CTSE: variants seen among roughly 807,000 people sequenced by gnomAD.
CTSE encodes cathepsin E.
In CTSE, 43 loss-of-function variants were observed where a neutral mutation model predicts 42.8. That is an observed-to-expected ratio of 1.01 (90% CI 0.79 to 1.30). The LOEUF (loss-of-function observed/expected upper bound fraction) is 1.30. Among genes scored for constraint, CTSE ranks in the 50% most tolerant of loss-of-function variants. The pLI is 0.00. For synonymous variants in CTSE, 205 were observed against 191.5 expected (o/e 1.07, Z -0.58); for missense variants, 532 against 493.5 (o/e 1.08, Z -0.74).
At position 206,012,280 on chromosome 1, in the gene CTSE, G is replaced by A. The variant is rs781970447; in HGVS notation, c.1026+28C>T. 1.3e-5 allele frequency: 20 copies of A among 1,584,346 alleles called. No individual in the cohort carries two copies. The South Asian group carries it at 2.2e-4, about 18-fold the overall frequency. ...GCAGGCATGTGGGGAGGGCCCTGTGGCCTGCAGAATAAGGAAACAGTTCTT... is the reference window on the plus strand; with the variant it reads ...GCAGGCATGTGGGGAGGGCCCTGTGACCTGCAGAATAAGGAAACAGTTCTT... On this transcript the variant is annotated intron_variant, in intron 8 of 8. Transcript: ENST00000358184.
In CTSE at chr1:206,019,990, A is replaced by G. The variant is rs1661369627; in HGVS notation, c.462+1059T>C. Among the ~76,000 whole-genome samples the G allele has an allele frequency of 2.8e-5, 4 of 144,452 alleles. No homozygotes were observed. In the South Asian group the frequency reaches 6.3e-4, roughly 23 times the overall value. The allele number at this position is 144,452 out of a possible 152,430, so 94.8% of individuals were successfully genotyped here. A position where few individuals can be genotyped will look rare whatever the true frequency, so the allele number is the denominator to read the frequency against. ...TTCTATAATATATTATATATTATAT[A>G]ACATATATTAATGTAATGTATTACA... On this transcript the variant is annotated intron_variant, in intron 4 of 8. Coordinates refer to ENST00000358184, the MANE Select transcript of CTSE (RefSeq NM_001910.4).
At chr1:206,011,136 C>T (rs1553276878) in intron 8 of CTSE, among the ~76,000 whole-genome samples, 3 of 151,976 alleles carry the variant, frequency 2.0e-5, no homozygotes, top group Non-Finnish European at 4.4e-5. Flanking sequence ...AGAACCAGCA[C>T]AAGACCTTGT....
intron 5 of CTSE, 142 bp downstream of exon 5, chr1:206,015,789 G>A (rs1172093416): frequency 7.2e-6 from 5 of 692,576 alleles, no homozygotes; most frequent in Non-Finnish European, 1.2e-5. Flanking sequence ...TATTCAGAGA[G>A]GTTAAATGTT....
In CTSE at chr1:206,023,801, G is replaced by A. The variant is rs782384345; in HGVS notation, c.-10C>T. The A allele has an allele frequency of 5.2e-5, 84 of 1,612,984 alleles. No individual in the cohort carries two copies. The highest frequency in any genetic ancestry group is 1.2e-4 in the Admixed American group (7 of 59,964). On this transcript the variant is annotated 5_prime_UTR_variant, in exon 1 of 9. Coordinates refer to ENST00000358184, the MANE Select transcript of CTSE (RefSeq NM_001910.4). ...GAAGGAGCGTTTTCATTGTGAGTCC[G>A]ACCAGCAGCTTCTCCCTTGCCCCCT...
rs1553277658 is a variant in CTSE at position 206,016,005 on chromosome 1, TCCTCCCACAG to T, written c.578_587del (p.Ala193GlufsTer2). 1 of 1,613,658 alleles carries T rather than the reference TCCTCCCACAG, an allele frequency of 6.2e-7. No individual in the cohort carries two copies. Among genetic ancestry groups the T allele is most frequent in the Non-Finnish European group, 8.5e-7 (1 of 1,179,854 alleles). The stretch of plus-strand genomic sequence containing the variant: ...TCATGTTGTCAAATACTGGAGTCAC[TCCTCCCACAG>T]CCAAGGAGGGGTATCCCAGGCCCAG... On this transcript the variant is annotated frameshift_variant, in exon 5 of 9. Coordinates refer to ENST00000358184, the MANE Select transcript of CTSE (RefSeq NM_001910.4). LOFTEE classifies it high-confidence loss of function.
intron 6 of CTSE, among the ~76,000 whole-genome samples, 178 bp downstream of exon 6, chr1:206,013,594 C>T (rs1553277366): frequency 6.6e-6 from 1 of 152,080 alleles, no homozygotes; most frequent in African/African-American, 2.4e-5. Flanking sequence ...GCTGTGTCTG[C>T]TGCCCTGGTT....
chr1:206,014,086 GA>G (rs1661197155), intron 5 of CTSE, 192 bp from the exon 6 acceptor site: 1 of 623,716 alleles, frequency 1.6e-6, no homozygotes, highest in African/African-American at 1.8e-5. Flanking sequence ...CACAAGGTTA[GA>G]AACAACTCCC....
Position 206,022,140 on chromosome 1 carries a change from C to T in CTSE, c.343+10G>A. On this transcript the variant is annotated intron_variant, in intron 3 of 8. Coordinates refer to ENST00000358184, the MANE Select transcript of CTSE (RefSeq NM_001910.4). ...AGACATTCTCTGCTGGTGCTCCTGG[C>T]CCCACTTACTGCAGGCTGGGCTAGT... is the stretch of plus-strand genomic sequence containing the variant. The T allele has an allele frequency of 6.4e-7, 1 of 1,555,828 alleles. No homozygotes were observed. Among genetic ancestry groups the T allele is most frequent in the Non-Finnish European group, 8.8e-7 (1 of 1,135,706 alleles).
At chr1:206,010,499 G>T in intron 8 of CTSE, 152 bp from the exon 9 acceptor site, 1 of 702,936 alleles carries the variant, frequency 1.4e-6, no homozygotes, top group Admixed American at 2.0e-5. Flanking sequence ...TCTTCCTCCT[G>T]CTTCATATGT....
chr1:206,009,991 T>C lies in CTSE; in HGVS notation c.*192A>G, dbSNP rs1302833266. On this transcript the variant is annotated 3_prime_UTR_variant, in exon 9 of 9. Coordinates refer to ENST00000358184, the MANE Select transcript of CTSE (RefSeq NM_001910.4). Reference sequence around the variant, plus strand: ...ATGACGGTGGTGGGAGTGGTGTGTATGTGTGAAGTGTGTGTGTGTGTATAT... The same window carrying C: ...ATGACGGTGGTGGGAGTGGTGTGTACGTGTGAAGTGTGTGTGTGTGTATAT... 6.8e-6 allele frequency: 4 copies of C among 590,976 alleles called. No homozygotes were observed. The highest frequency in any genetic ancestry group is 1.2e-5 in the Non-Finnish European group (4 of 330,830). 36.6% of individuals were successfully genotyped at this position (590,976 alleles called of 1,614,324 possible).
At chr1:206,017,173 A>G (rs1385930420) in intron 4 of CTSE, among the ~76,000 whole-genome samples, 4 of 152,066 alleles carry the variant, frequency 2.6e-5, no homozygotes, top group African/African-American at 9.7e-5. Context: ...AATTTACATC[A>G]AAGTAGCTGA....
At position 206,009,880 on chromosome 1, in the gene CTSE, G is replaced by C; in HGVS notation, c.*303C>G. ...ATCTCTGCTTGTGCATATGTTTGGA[G>C]ATTTTCATAATCAAATGTGAAAATT... is the stretch of plus-strand genomic sequence containing the variant. On this transcript the variant is annotated 3_prime_UTR_variant, in exon 9 of 9. Transcript: ENST00000358184. The C allele has an allele frequency of 2.6e-6, 1 of 388,228 alleles. No individual in the cohort carries two copies. Among genetic ancestry groups the C allele is most frequent in the Non-Finnish European group, 4.8e-6 (1 of 207,062 alleles). The allele number at this position is 388,228 out of a possible 1,614,324, so 24.0% of individuals were successfully genotyped here. A position where few individuals can be genotyped will look rare whatever the true frequency, so the allele number is the denominator to read the frequency against.
At chr1:206,016,242 CT>C in intron 4 of CTSE, 112 bp from the exon 5 acceptor site, 1 of 938,758 alleles carries the variant, frequency 1.1e-6, no homozygotes, top group South Asian at 1.5e-5. Flanking sequence ...TCCTTCCCAA[CT>C]TTCCTTGACT....
rs141251493 is a variant in CTSE at position 206,016,115 on chromosome 1, C to T, written c.478G>A (p.Val160Met). The T allele has an allele frequency of 7.6e-4, 1,233 of 1,613,836 alleles. 10 individuals are homozygous for T. Among genetic ancestry groups the T allele is most frequent in the Non-Finnish European group, 9.4e-4 (1,108 of 1,179,860 alleles). The part of the protein sequence containing the change: ...ADQVSVEGLT[V>M]VGQQFGESVT... ...CTTTCTCCAAACTGCTGGCCAACCA[C>T]GGTTAGTCCTTCCACCTGGTAGGAG... Residue 160 changes from valine (V) to methionine (M), a missense_variant, in exon 5 of 9, where the codon GTG becomes ATG. By Grantham distance (21) the Val-to-Met change is conservative. Coordinates refer to ENST00000358184, the MANE Select transcript of CTSE (RefSeq NM_001910.4).
intron 6 of CTSE, 94 bp from the exon 7 acceptor site, chr1:206,012,743 T>A: frequency 7.3e-7 from 1 of 1,378,262 alleles, no homozygotes; most frequent in East Asian, 2.3e-5. Context: ...CTGGAGCACA[T>A]CAATGATTTC....
In CTSE at chr1:206,010,186, G is replaced by C; in HGVS notation, c.1188C>G (p.Pro396=). Residue 396 remains proline (P), a synonymous_variant, in exon 9 of 9, where the codon CCC becomes CCG. Coordinates refer to ENST00000358184, the MANE Select transcript of CTSE (RefSeq NM_001910.4). ...GGCACAGACACAAGGCCCCTCCTTA[G>C]GGGACTGCTGGGGCCAGTCCCACAC... The part of the protein sequence containing the change: ...NNRVGLAPAV[P] 1 of 1,613,682 alleles carries C rather than the reference G, an allele frequency of 6.2e-7. No homozygotes were observed. The highest frequency in any genetic ancestry group is 8.5e-7 in the Non-Finnish European group (1 of 1,179,796).
chr1:206,022,103 G>T, intron 3 of CTSE, 47 bp downstream of exon 3: 1 of 1,384,650 alleles, frequency 7.2e-7, no homozygotes, highest in Non-Finnish European at 1.0e-6. Context: ...TGGCCTCCCA[G>T]GACTAGCCCC....
intron 4 of CTSE, among the ~76,000 whole-genome samples, chr1:206,017,594 G>T (rs1410376248): frequency 1.3e-5 from 2 of 151,948 alleles, no homozygotes; most frequent in Non-Finnish European, 2.9e-5. Flanking sequence ...GGTTCAAGCA[G>T]TTCTTCTGCC....
chr1:206,013,792 GT>G lies in CTSE; in HGVS notation c.764del (p.Tyr255SerfsTer157). 1.2e-6 allele frequency: 2 copies of G among 1,613,838 alleles called. No homozygotes were observed. The highest frequency in any genetic ancestry group is 2.2e-5 in the South Asian group (2 of 91,072). ...LNWVPVTKQA[Y>X]WQIALDNIQV... ...CTCACTTATCCAGTGCAATCTGCCA[GT>G]AAGCTTGCTTGGTGACTGGGACCCA... On this transcript the variant is annotated frameshift_variant, in exon 6 of 9. Coordinates refer to ENST00000358184, the MANE Select transcript of CTSE (RefSeq NM_001910.4). LOFTEE classifies it high-confidence loss of function.
Sources: gnomAD v4.1 joint callset for allele counts (sites outside exome capture counted in the v4.1 genomes callset) on GRCh38, gnomAD v4.1.1 for gene constraint, MANE v1.5 for transcripts, NCBI Gene and HGNC (gene_info 2026-07-23, HGNC 2026-07-21) for gene names.